PRIMPOL: variants seen among roughly 807,000 people sequenced by gnomAD.
The protein encoded by PRIMPOL is DNA-directed primase/polymerase protein.
Under a neutral mutation model 63.6 loss-of-function variants are expected in PRIMPOL, and 54 were observed. That is an observed-to-expected ratio of 0.85 (90% CI 0.68 to 1.07). PRIMPOL has a LOEUF of 1.07. Ranked by LOEUF, PRIMPOL falls within the 50% of genes least tolerant of loss-of-function variation. PRIMPOL has a pLI of 0.00. For missense variants in PRIMPOL, 610 were observed against 648.3 expected, an observed-to-expected ratio of 0.94 and a Z score of 0.64; for synonymous variants, 197 against 220.2, an observed-to-expected ratio of 0.89 and a Z score of 0.93.
chr4:184,679,934 G>C (rs781092762), intron 8 of PRIMPOL, among the ~76,000 whole-genome samples: 21 of 152,238 alleles, frequency 1.4e-4, no homozygotes, highest in Middle Eastern at 3.4e-3. Context: ...CCGGTTCCTG[G>C]TGCCAGAAAG....
At chr4:184,656,091 C>G (rs1746359711) in intron 2 of PRIMPOL, among the ~76,000 whole-genome samples, 1 of 152,172 alleles carries the variant, frequency 6.6e-6, no homozygotes, top group Admixed American at 6.5e-5. Flanking sequence ...ACTGCTTATG[C>G]TGGCTGTTGG....
chr4:184,693,407 GT>G lies in PRIMPOL; in HGVS notation c.1426-1113del, dbSNP rs138783027. Among the ~76,000 whole-genome samples, 1,101 of 152,252 alleles carry G rather than the reference GT, an allele frequency of 7.2e-3. 14 individuals are homozygous for G. The highest frequency in any genetic ancestry group is 0.025 in the African/African-American group (1,044 of 41,540). ...TCTAGTAACACCTCAAAAATGCCAA[GT>G]TGAAAGTACCATTGGTCAGTATTAC... is the stretch of plus-strand genomic sequence containing the variant. On this transcript the variant is annotated intron_variant, in intron 13 of 13. Transcript: ENST00000314970.
Position 184,657,183 on chromosome 4 carries a change from C to T in PRIMPOL, c.43C>T (p.Arg15Ter), listed in dbSNP as rs145651098. The T allele has an allele frequency of 4.5e-5, 73 of 1,610,500 alleles. No homozygotes were observed. The highest frequency in any genetic ancestry group is 1.1e-4 in the African/African-American group (8 of 74,856). The change falls in exon 3 of 14, where the codon CGA becomes TGA. Residue 15 changes from arginine (R) to a stop codon, truncating the protein, a stop_gained. Coordinates refer to ENST00000314970, the MANE Select transcript of PRIMPOL (RefSeq NM_152683.4). LOFTEE classifies it high-confidence loss of function. ...AGCAAAACTGAAGCAAATTGAAGAA[C>T]GAGCATCTCATTATGAGAGGAAACC... ...WEAKLKQIEE[R>*]ASHYERKPLS...
rs1409739510 is a variant in PRIMPOL, at chr4:184,694,744, C to T, written c.1648C>T (p.Pro550Ser). The change falls in exon 14 of 14, where the codon CCT becomes TCT. Residue 550 changes from proline (P) to serine (S), a missense_variant. Physicochemically the swap from Pro to Ser is moderately conservative, Grantham distance 74 (BLOSUM62 -1). Around this residue, in one of 3 missense-constraint regions of PRIMPOL, gnomAD observed 444 missense variants for 456.4 expected, o/e 0.97. Coordinates refer to ENST00000314970, the MANE Select transcript of PRIMPOL (RefSeq NM_152683.4). ...LSYNSEVDEI[P>S]DELIIEVLQE ...TTATAACAGTGAAGTGGATGAAATT[C>T]CTGATGAACTAATTATAGAAGTATT... The T allele has an allele frequency of 6.2e-7, 1 of 1,611,946 alleles. No homozygotes were observed. The highest frequency in any genetic ancestry group is 2.2e-5 in the East Asian group (1 of 44,846).
chr4:184,672,809 C>G (rs576185291), intron 7 of PRIMPOL, among the ~76,000 whole-genome samples: 4 of 152,200 alleles, frequency 2.6e-5, no homozygotes, highest in South Asian at 2.1e-4. Context: ...AAAACAGACT[C>G]GGTATAAAAG....
At chr4:184,692,490 A>AAAAG (rs1463858225) in intron 13 of PRIMPOL, among the ~76,000 whole-genome samples, 9 of 149,678 alleles carry the variant, frequency 6.0e-5, no homozygotes, top group Admixed American at 2.0e-4. Flanking sequence ...AAAAAAAAAA[A>AAAAG]AAAGAAAGAA....
At chr4:184,650,708 A>G (rs1332316695) in intron 1 of PRIMPOL, among the ~76,000 whole-genome samples, 1 of 152,208 alleles carries the variant, frequency 6.6e-6, no homozygotes, top group Non-Finnish European at 1.5e-5. Context: ...TCACCAACAC[A>G]TGTGAGCACG....
chr4:184,691,897 CTTT>C (rs10567357), intron 13 of PRIMPOL, among the ~76,000 whole-genome samples, 185 bp downstream of exon 13: 8,327 of 140,410 alleles, frequency 0.059, 738 homozygotes, highest in African/African-American at 0.2. Context: ...TAATACAAAC[CTTT>C]TTTTTTTTTT....
chr4:184,651,246 G>C (rs542956586), intron 1 of PRIMPOL, among the ~76,000 whole-genome samples: 2,602 of 150,046 alleles, frequency 0.017, 98 homozygotes, highest in African/African-American at 0.062. Flanking sequence ...AGCTGAGATT[G>C]CGCCACTGCA....
intron 7 of PRIMPOL, among the ~76,000 whole-genome samples, chr4:184,676,803 CCCCCT>C (rs1561030198): frequency 1.9e-4 from 1 of 5,254 alleles, no homozygotes; most frequent in African/African-American, 9.2e-4. Context: ...CCCTTCCCTT[CCCCCT>C]TCCCTTCCCT....
intron 8 of PRIMPOL, among the ~76,000 whole-genome samples, chr4:184,679,587 T>G (rs185168208): frequency 2.6e-4 from 39 of 152,330 alleles, no homozygotes; most frequent in Admixed American, 1.4e-3. Flanking sequence ...GTGTGATGAA[T>G]CCAGTTGTTT....
chr4:184,672,830 G>T (rs1430873480), intron 7 of PRIMPOL, among the ~76,000 whole-genome samples: 2 of 152,208 alleles, frequency 1.3e-5, no homozygotes, highest in African/African-American at 4.8e-5. Context: ...CAGTACTCGT[G>T]TGGCGCGGTG....
chr4:184,694,158 G>T, intron 13 of PRIMPOL: 2 of 908,592 alleles, frequency 2.2e-6, no homozygotes, highest in Admixed American at 5.4e-5. Flanking sequence ...TTAAAGCATG[G>T]GTACTAAGTC....
At chr4:184,665,871 T>C in intron 5 of PRIMPOL, 46 bp from the exon 6 acceptor site, 1 of 1,365,908 alleles carries the variant, frequency 7.3e-7, no homozygotes. Context: ...TAGAAAAATT[T>C]TAAAACAAAA....
rs1216663344 is a variant in PRIMPOL at position 184,649,910 on chromosome 4, T to A, written c.-138+2T>A. 6.6e-6 allele frequency: 1 copy of A among 152,312 alleles called. No individual in the cohort carries two copies. Among genetic ancestry groups the A allele is most frequent in the Non-Finnish European group, 1.5e-5 (1 of 68,106 alleles). 9.4% of individuals were successfully genotyped at this position (152,312 alleles called of 1,614,324 possible). On this transcript the variant is annotated splice_donor_variant, in intron 1 of 13. Transcript: ENST00000314970. LOFTEE classifies it low-confidence loss of function (5UTR_SPLICE). ...AGGAGCAGGCCGGGACGCCCACCGG[T>A]AATTTCTGTCTCCTCTGCGATGACC...
chr4:184,668,635 T>C (rs10015218), intron 6 of PRIMPOL, among the ~76,000 whole-genome samples: 20,463 of 152,086 alleles, frequency 0.13, 1,459 homozygotes, highest in African/African-American at 0.18. Flanking sequence ...GACGTCAAGC[T>C]ATGTGAGAAG....
At chr4:184,693,531 CTTGT>C (rs1423590692) in intron 13 of PRIMPOL, among the ~76,000 whole-genome samples, 4 of 152,128 alleles carry the variant, frequency 2.6e-5, no homozygotes, top group African/African-American at 4.8e-5. Flanking sequence ...CCTGCTTCAT[CTTGT>C]TTTTTAAAAC....
At chr4:184,669,068 C>T (rs933034609) in intron 6 of PRIMPOL, among the ~76,000 whole-genome samples, 1 of 152,136 alleles carries the variant, frequency 6.6e-6, no homozygotes, top group African/African-American at 2.4e-5. Flanking sequence ...TCACCTGGTC[C>T]TCCTTACCAT....
rs1001919695 is a variant in PRIMPOL at position 184,657,066 on chromosome 4, T to C, written c.-59-16T>C. 2 of 1,111,798 alleles carry C rather than the reference T, an allele frequency of 1.8e-6. No individual in the cohort carries two copies. Among genetic ancestry groups the C allele is most frequent in the Non-Finnish European group, 2.4e-6 (2 of 825,476 alleles). The allele number at this position is 1,111,798 out of a possible 1,614,324, so 68.9% of individuals were successfully genotyped here. On this transcript the variant is annotated splice_polypyrimidine_tract_variant and intron_variant, in intron 2 of 13. Coordinates refer to ENST00000314970, the MANE Select transcript of PRIMPOL (RefSeq NM_152683.4). ...ACAAAGAAATTAATGGCCTTTTTGTTTGTTGTTTGTTTTAGTAGTAATTGA... is the reference window on the plus strand; with the variant it reads ...ACAAAGAAATTAATGGCCTTTTTGTCTGTTGTTTGTTTTAGTAGTAATTGA...
Sources: gnomAD v4.1 joint callset for allele counts (sites outside exome capture counted in the v4.1 genomes callset) on GRCh38, gnomAD v4.1.1 for gene constraint, gnomAD v4.1.1 regional missense constraint, MANE v1.5 for transcripts, NCBI Gene and HGNC (gene_info 2026-07-23, HGNC 2026-07-21) for gene names.